The following ANKRD12 variants were observed in gnomAD, a reference collection of about 807,000 sequenced individuals.
The protein encoded by ANKRD12 is ankyrin repeat domain 12, also known as ankyrin repeat domain-containing protein 12.
A neutral mutation model predicts 183.4 loss-of-function variants in ANKRD12; 85 were observed. That is an observed-to-expected ratio of 0.46 (90% confidence interval 0.39 to 0.56). The LOEUF is 0.56. Ranked by LOEUF, ANKRD12 falls within the 20% of genes least tolerant of loss-of-function variation. ANKRD12 has a pLI of 0.00. For missense variants in ANKRD12, 2,405 were observed against 2,357.1 expected (o/e 1.02, Z -0.42); for synonymous variants, 914 against 800.2 (o/e 1.14, Z -2.40).
intron 2 of ANKRD12, among the ~76,000 whole-genome samples, chr18:9,186,159 G>A (rs1486663673): frequency 2.6e-5 from 1 of 37,754 alleles, no homozygotes; most frequent in Non-Finnish European, 5.3e-5. Context: ...TTTTTTTTTT[G>A]AGACGGAGTC....
At chr18:9,263,610 A>T (rs1254167789) in intron 9 of ANKRD12, among the ~76,000 whole-genome samples, 180 bp from the exon 10 acceptor site, 1 of 152,144 alleles carries the variant, frequency 6.6e-6, no homozygotes, top group African/African-American at 2.4e-5. Flanking sequence ...AAACATCTAA[A>T]CTGTGCTCAA....
intron 8 of ANKRD12, among the ~76,000 whole-genome samples, chr18:9,222,467 T>C (rs1449027472): frequency 6.6e-6 from 1 of 151,676 alleles, no homozygotes; most frequent in East Asian, 1.9e-4. Context: ...ACAATTTCTT[T>C]CTTTTTTTTT....
At chr18:9,252,871 T>G (rs2038383418) in intron 8 of ANKRD12, among the ~76,000 whole-genome samples, 1 of 152,194 alleles carries the variant, frequency 6.6e-6, no homozygotes. Context: ...TAAGTTAGTG[T>G]TTTTTAGTCA....
At chr18:9,266,236 C>G (rs1201497469) in intron 10 of ANKRD12, among the ~76,000 whole-genome samples, 1 of 152,090 alleles carries the variant, frequency 6.6e-6, no homozygotes, top group Non-Finnish European at 1.5e-5. Flanking sequence ...GCAAGGCAGA[C>G]CAACATTCAA....
chr18:9,155,632 A>G (rs1268960389), intron 1 of ANKRD12, among the ~76,000 whole-genome samples: 3 of 152,200 alleles, frequency 2.0e-5, no homozygotes, highest in Non-Finnish European at 2.9e-5. Flanking sequence ...AACAGTTTTA[A>G]TCTTGGTCAG....
intron 9 of ANKRD12, among the ~76,000 whole-genome samples, chr18:9,261,317 A>G (rs1244041960): frequency 6.6e-6 from 1 of 152,210 alleles, no homozygotes; most frequent in Non-Finnish European, 1.5e-5. Flanking sequence ...TAAGTTTGGG[A>G]AGCACTGTTA....
chr18:9,147,631 T>G (rs545542639), intron 1 of ANKRD12, among the ~76,000 whole-genome samples: 1 of 152,274 alleles, frequency 6.6e-6, no homozygotes, highest in South Asian at 2.1e-4. Flanking sequence ...TCGTATATAG[T>G]AGTGAGAGCA....
intron 1 of ANKRD12, among the ~76,000 whole-genome samples, chr18:9,157,585 G>GTA (rs1380048925): frequency 0.033 from 3,013 of 92,580 alleles, 93 homozygotes; most frequent in Admixed American, 0.054. Flanking sequence ...GTGTGTGTGT[G>GTA]TATATATATA....
At position 9,258,175 on chromosome 18, in the gene ANKRD12, A is replaced by T; in HGVS notation, c.4908A>T (p.Lys1636Asn). 6.2e-7 allele frequency: 1 copy of T among 1,613,810 alleles called. No homozygotes were observed. The highest frequency in any genetic ancestry group is 8.5e-7 in the Non-Finnish European group (1 of 1,179,938). The change falls in exon 9 of 13, where the codon AAA (lysine) becomes AAT (asparagine). Residue 1636 changes from lysine (K) to asparagine (N), a missense_variant. Coordinates refer to ENST00000262126, the MANE Select transcript of ANKRD12 (RefSeq NM_015208.5). Reference protein sequence around the residue: ...TQVISHEKENKLESLVLTHLS... With the variant: ...TQVISHEKENNLESLVLTHLS... ...TCATTTCACATGAAAAAGAAAACAA[A>T]CTGGAGAGTTTGGTTTTAACTCATT...
intron 2 of ANKRD12, among the ~76,000 whole-genome samples, chr18:9,186,801 G>T (rs1439580571): frequency 2.0e-5 from 3 of 149,712 alleles, no homozygotes; most frequent in Admixed American, 2.0e-4. Flanking sequence ...CCCCGGGCCG[G>T]AGTGGAGTGG....
intron 1 of ANKRD12, among the ~76,000 whole-genome samples, chr18:9,175,498 C>T (rs2144068854): frequency 8.1e-6 from 1 of 123,198 alleles, no homozygotes; most frequent in Non-Finnish European, 1.7e-5. Context: ...TTCTTGATCA[C>T]TTGATCAGTT....
intron 3 of ANKRD12, among the ~76,000 whole-genome samples, chr18:9,196,555 C>A (rs2034838135): frequency 6.6e-6 from 1 of 152,130 alleles, no homozygotes; most frequent in African/African-American, 2.4e-5. Flanking sequence ...TCTTTCTAGT[C>A]ATTTTAATTG....
chr18:9,277,071 C>T (rs1444890978), intron 11 of ANKRD12, among the ~76,000 whole-genome samples: 2 of 152,188 alleles, frequency 1.3e-5, no homozygotes, highest in African/African-American at 4.8e-5. Context: ...TGAAAAGTCT[C>T]TTGATTTCTA....
intron 1 of ANKRD12, among the ~76,000 whole-genome samples, chr18:9,171,571 A>G (rs1303533512): frequency 1.3e-5 from 2 of 152,078 alleles, no homozygotes; most frequent in East Asian, 1.9e-4. Flanking sequence ...AGCGGAAAGG[A>G]AAGTTTTTCC....
chr18:9,177,776 C>A (rs1372816205), intron 1 of ANKRD12, among the ~76,000 whole-genome samples: 1 of 152,194 alleles, frequency 6.6e-6, no homozygotes, highest in African/African-American at 2.4e-5. Context: ...GTCATTCTCT[C>A]TACCTTCGTG....
intron 1 of ANKRD12, among the ~76,000 whole-genome samples, chr18:9,149,745 G>C (rs1213350635): frequency 1.3e-5 from 2 of 151,378 alleles, no homozygotes; most frequent in Non-Finnish European, 1.5e-5. Context: ...TAGACATATA[G>C]CTAAAGCAAA....
chr18:9,176,295 G>T (rs1022656299), intron 1 of ANKRD12, among the ~76,000 whole-genome samples: 7 of 151,894 alleles, frequency 4.6e-5, no homozygotes, highest in African/African-American at 1.7e-4. Context: ...TTGAGACTGG[G>T]TCTGGCTCTG....
At chr18:9,249,119 G>A (rs72939227) in intron 8 of ANKRD12, among the ~76,000 whole-genome samples, 11,333 of 152,078 alleles carry the variant, frequency 0.075, 436 homozygotes, top group African/African-American at 0.083. Context: ...AGTCCTCTGT[G>A]TAGATCACAG....
intron 1 of ANKRD12, among the ~76,000 whole-genome samples, chr18:9,180,276 T>C (rs1434284528): frequency 1.3e-5 from 2 of 152,172 alleles, no homozygotes; most frequent in Non-Finnish European, 2.9e-5. Context: ...CAAGCTTGCT[T>C]TCTTTCTAAG....
Sources: allele counts gnomAD v4.1 joint callset (sites outside exome capture counted in the v4.1 genomes callset), GRCh38; gene constraint gnomAD v4.1.1; transcripts MANE v1.5; gene names NCBI Gene and HGNC (gene_info 2026-07-23, HGNC 2026-07-21).